DMTF1: variants seen among roughly 807,000 people sequenced by gnomAD.
DMTF1 encodes cyclin D binding myb like transcription factor 1.
A neutral mutation model predicts 91.1 loss-of-function variants in DMTF1; 39 were observed. The observed-to-expected ratio is 0.43, with a 90% CI of 0.33 to 0.56. The LOEUF is 0.56. Among genes scored for constraint, DMTF1 ranks in the 20% least tolerant of loss-of-function variants. The pLI is 0.05. For missense variants in DMTF1, 750 were observed against 914.5 expected (o/e 0.82, Z 2.32); for synonymous variants, 338 against 309.5 (o/e 1.09, Z -0.97).
At chr7:87,194,896 A>G in intron 17 of DMTF1, 68 bp downstream of exon 17, 5 of 1,518,328 alleles carry the variant, frequency 3.3e-6, no homozygotes, top group Admixed American at 1.8e-5. Flanking sequence ...CATTTAATTA[A>G]CTTGTTTCAG....
At chr7:87,173,969 A>G (rs188917831) in intron 6 of DMTF1, among the ~76,000 whole-genome samples, 2 of 152,318 alleles carry the variant, frequency 1.3e-5, no homozygotes, top group East Asian at 1.9e-4. Context: ...AGCCTTTTCA[A>G]GGGTCTACTA....
At chr7:87,175,844 G>T (rs1796148133) in intron 7 of DMTF1, among the ~76,000 whole-genome samples, 1 of 152,158 alleles carries the variant, frequency 6.6e-6, no homozygotes. Context: ...CCATGCCAAA[G>T]AATTTGAACT....
At chr7:87,173,127 T>C (rs1228029510) in intron 5 of DMTF1, among the ~76,000 whole-genome samples, 1 of 152,214 alleles carries the variant, frequency 6.6e-6, no homozygotes, top group Non-Finnish European at 1.5e-5. Context: ...AGGACTTCCA[T>C]TTTCCTATCT....
intron 4 of DMTF1, among the ~76,000 whole-genome samples, chr7:87,168,984 A>G (rs1230299851): frequency 2.0e-5 from 3 of 152,164 alleles, no homozygotes; most frequent in African/African-American, 7.2e-5. Flanking sequence ...ACCTGCATCT[A>G]TGTCCATCCA....
intron 10 of DMTF1, among the ~76,000 whole-genome samples, chr7:87,182,559 C>T (rs1240380141): frequency 2.0e-5 from 3 of 152,172 alleles, no homozygotes; most frequent in South Asian, 2.1e-4. Context: ...CACAACATCA[C>T]CTTAGTGTCA....
intron 14 of DMTF1, among the ~76,000 whole-genome samples, 181 bp downstream of exon 14, chr7:87,191,208 A>G (rs1192128145): frequency 9.9e-5 from 15 of 152,118 alleles, no homozygotes; most frequent in Admixed American, 9.8e-4. Flanking sequence ...ATAAACCAAA[A>G]TGTTATCTAT....
chr7:87,190,857 T>C, intron 13 of DMTF1, 88 bp from the exon 14 acceptor site: 1 of 1,080,024 alleles, frequency 9.3e-7, no homozygotes, highest in Non-Finnish European at 1.3e-6. Context: ...ATTGCCTTTA[T>C]GATAATTGAG....
At chr7:87,184,786 T>C (rs1686004668) in intron 11 of DMTF1, 161 bp downstream of exon 11, 1 of 744,314 alleles carries the variant, frequency 1.3e-6, no homozygotes, top group South Asian at 1.5e-5. Context: ...TTGAGCTCTT[T>C]TTTTGTGTTG....
chr7:87,186,830 T>A (rs1798565139), intron 12 of DMTF1: 1 of 152,158 alleles, frequency 6.6e-6, no homozygotes, highest in African/African-American at 2.4e-5. Flanking sequence ...AATGGCTCAT[T>A]TCTCAGAACA....
chr7:87,190,635 G>T (rs970529460), intron 13 of DMTF1, among the ~76,000 whole-genome samples: 2 of 152,074 alleles, frequency 1.3e-5, no homozygotes, highest in African/African-American at 4.8e-5. Context: ...CTCTGTTGTA[G>T]TGCTAAAGTA....
chr7:87,153,298 C>T (rs1319112557), intron 1 of DMTF1, among the ~76,000 whole-genome samples: 1 of 152,156 alleles, frequency 6.6e-6, no homozygotes, highest in Non-Finnish European at 1.5e-5. Flanking sequence ...GAAAATGCGG[C>T]TGTAAAGTTG....
At position 87,167,017 on chromosome 7, in the gene DMTF1, T is replaced by C. The variant is rs1793983906; in HGVS notation, c.232+412T>C. ...ACCCCAAGAACCATATTTGCCCTCA[T>C]TGAGAAGAAAGCATGCTTTACAATA... On this transcript the variant is annotated intron_variant, in intron 4 of 17. Coordinates refer to ENST00000331242, the MANE Select transcript of DMTF1 (RefSeq NM_001142327.2). 1.3e-5 allele frequency among the ~76,000 whole-genome samples: 2 copies of C among 152,170 alleles called. 1 individual carries two copies. Among genetic ancestry groups the C allele is most frequent in the South Asian group, 4.1e-4 (2 of 4,826 alleles).
chr7:87,189,119 C>G (rs1179426901), intron 13 of DMTF1, among the ~76,000 whole-genome samples: 1 of 152,138 alleles, frequency 6.6e-6, no homozygotes, highest in Non-Finnish European at 1.5e-5. Context: ...GTCCTTTGAT[C>G]TTGCCCACAG....
chr7:87,157,663 TAATTG>T (rs1180048139), intron 1 of DMTF1, among the ~76,000 whole-genome samples: 3 of 152,124 alleles, frequency 2.0e-5, no homozygotes. Flanking sequence ...CTCATTTCTT[TAATTG>T]AATTCTGTGT....
At chr7:87,160,931 A>G (rs890111244) in intron 1 of DMTF1, among the ~76,000 whole-genome samples, 3 of 152,100 alleles carry the variant, frequency 2.0e-5, no homozygotes, top group South Asian at 2.1e-4. Flanking sequence ...TTTAAAAACA[A>G]TGTGTATGCC....
Position 87,171,191 on chromosome 7 carries a change from C to T in DMTF1, c.327+102C>T, listed in dbSNP as rs116680384. On this transcript the variant is annotated intron_variant, in intron 5 of 17. Coordinates refer to ENST00000331242, the MANE Select transcript of DMTF1 (RefSeq NM_001142327.2). ...TCAGCCTCCCAAGTAGCGAGGACTA[C>T]TGGCACATGCCACTGTGCCCAGGTT... is the stretch of plus-strand genomic sequence containing the variant. 631 of 739,780 alleles carry T rather than the reference C, an allele frequency of 8.5e-4. 4 individuals are homozygous for T. In the African/African-American group the frequency reaches 0.01, roughly 12 times the overall value. 45.8% of individuals were successfully genotyped at this position (739,780 alleles called of 1,614,324 possible).
intron 4 of DMTF1, among the ~76,000 whole-genome samples, chr7:87,166,966 A>G (rs946994400): frequency 2.0e-5 from 3 of 152,180 alleles, no homozygotes; most frequent in Non-Finnish European, 2.9e-5. Flanking sequence ...AGATAATAAA[A>G]TTGTTTGTCA....
chr7:87,191,130 C>A, intron 14 of DMTF1, 103 bp downstream of exon 14: 2 of 721,934 alleles, frequency 2.8e-6, no homozygotes, highest in Non-Finnish European at 4.6e-6. Context: ...AGTCTGAGGC[C>A]AAATGAATGG....
chr7:87,165,470 TG>T (rs140095150), intron 3 of DMTF1, among the ~76,000 whole-genome samples: 1,648 of 152,336 alleles, frequency 0.011, 29 homozygotes, highest in African/African-American at 0.037. Flanking sequence ...CTGATAATTT[TG>T]TTGTTACTCC....
Sources: gnomAD v4.1 joint callset for allele counts (sites outside exome capture counted in the v4.1 genomes callset) on GRCh38, gnomAD v4.1.1 for gene constraint, MANE v1.5 for transcripts, NCBI Gene and HGNC (gene_info 2026-07-23, HGNC 2026-07-21) for gene names.